Variants in TENM3 observed in about 807,000 individuals in gnomAD.
TENM3 encodes the protein teneurin-3.
TENM3 carries 63 observed loss-of-function variants against 255.1 expected under a neutral mutation model. The observed-to-expected ratio is 0.25, with a 90% confidence interval of 0.20 to 0.30. The LOEUF is 0.30. TENM3 is among the 10% of genes least tolerant of loss of function. TENM3 has a pLI of 1.00. For synonymous variants in TENM3, 1,306 were observed against 1,322.3 expected (o/e 0.99, Z 0.27); for missense variants, 2,929 against 3,461.1 (o/e 0.85, Z 3.86).
chr4:182,644,612 G>GA lies in TENM3; in HGVS notation c.989-9151dup, dbSNP rs980294344. On this transcript the variant is annotated intron_variant, in intron 5 of 27. Coordinates refer to ENST00000511685, the MANE Select transcript of TENM3 (RefSeq NM_001080477.4). Reference sequence around the variant, plus strand: ...TCTCACTTTAATGGTCTTTGTGTGTGAAAAAAAATTCCTTCATAAAATTTT... The same window carrying GA: ...TCTCACTTTAATGGTCTTTGTGTGTGAAAAAAAAATTCCTTCATAAAATTTT... Among the ~76,000 whole-genome samples, 83 of 151,712 alleles carry GA rather than the reference G, an allele frequency of 5.5e-4. 1 individual carries two copies. Among genetic ancestry groups the GA allele is most frequent in the Non-Finnish European group, 6.6e-4 (45 of 67,912 alleles).
the TENM3 span, among the ~76,000 whole-genome samples, chr4:181,692,185 G>A: frequency 1.3e-5 from 2 of 152,188 alleles, no homozygotes; most frequent in Non-Finnish European, 2.9e-5. Flanking sequence ...AATGTATTAA[G>A]AGGTAAGATA....
At chr4:181,569,194 G>A in the TENM3 span, among the ~76,000 whole-genome samples, 2 of 152,052 alleles carry the variant, frequency 1.3e-5, no homozygotes, top group African/African-American at 2.4e-5. Flanking sequence ...AACAACAAAT[G>A]TGAGGTCTCC....
chr4:182,730,389 T>C (rs1760597209), intron 15 of TENM3, 70 bp downstream of exon 15: 1 of 1,562,676 alleles, frequency 6.4e-7, no homozygotes, highest in South Asian at 1.2e-5. Flanking sequence ...TGTACCACTG[T>C]CATGTTTGAC....
chr4:181,736,738 C>G, the TENM3 span, among the ~76,000 whole-genome samples: 2 of 152,032 alleles, frequency 1.3e-5, no homozygotes, highest in Non-Finnish European at 2.9e-5. Context: ...GCCGACTGAG[C>G]CTCCCTGATT....
At chr4:182,389,741 A>T (rs1022141218) in intron 3 of TENM3, among the ~76,000 whole-genome samples, 3 of 131,578 alleles carry the variant, frequency 2.3e-5, no homozygotes, top group African/African-American at 5.6e-5. Context: ...GCTGGAGTGC[A>T]GTGGCGCGAT....
the TENM3 span, among the ~76,000 whole-genome samples, chr4:182,024,932 T>G: frequency 6.6e-6 from 1 of 152,102 alleles, no homozygotes; most frequent in Non-Finnish European, 1.5e-5. Flanking sequence ...AGTGAGAACA[T>G]GCACTGCTTG....
At chr4:181,696,279 G>C in the TENM3 span, among the ~76,000 whole-genome samples, 1 of 152,102 alleles carries the variant, frequency 6.6e-6, no homozygotes, top group Non-Finnish European at 1.5e-5. Flanking sequence ...ACACAGCAGA[G>C]AGAAGGCAAC....
At chr4:181,742,739 A>G in the TENM3 span, among the ~76,000 whole-genome samples, 1 of 151,946 alleles carries the variant, frequency 6.6e-6, no homozygotes. Context: ...GGTTAGCTAC[A>G]TACGTATACA....
intron 3 of TENM3, among the ~76,000 whole-genome samples, chr4:182,534,938 A>ATG (rs2151856963): frequency 6.6e-6 from 1 of 152,318 alleles, no homozygotes; most frequent in Admixed American, 6.5e-5. Flanking sequence ...CTCTTATACT[A>ATG]TGTAGCACCT....
chr4:182,713,694 C>T (rs756642512), intron 12 of TENM3, among the ~76,000 whole-genome samples: 2 of 152,078 alleles, frequency 1.3e-5, no homozygotes, highest in Non-Finnish European at 2.9e-5. Context: ...TGATAAATGA[C>T]CAGTAATGTT....
chr4:182,492,005 A>G (rs1342555182), intron 3 of TENM3, among the ~76,000 whole-genome samples: 2 of 152,190 alleles, frequency 1.3e-5, no homozygotes, highest in East Asian at 1.9e-4. Context: ...ATGGCAGTGG[A>G]CTGCATCTAC....
intron 3 of TENM3, among the ~76,000 whole-genome samples, chr4:182,536,822 C>T (rs1052896118): frequency 5.3e-5 from 8 of 152,196 alleles, no homozygotes; most frequent in Admixed American, 1.3e-4. Flanking sequence ...CTCCTGGTGT[C>T]AGAAAGCTGA....
the TENM3 span, among the ~76,000 whole-genome samples, chr4:181,834,575 C>T: frequency 6.6e-6 from 1 of 152,194 alleles, no homozygotes; most frequent in Non-Finnish European, 1.5e-5. Context: ...CCAGGACAAA[C>T]TCAAGTTCCT....
the TENM3 span, among the ~76,000 whole-genome samples, chr4:182,023,623 G>A: frequency 6.6e-6 from 1 of 152,186 alleles, no homozygotes; most frequent in Admixed American, 6.5e-5. Flanking sequence ...CCTGTGCATG[G>A]AAAATTGTAT....
At chr4:181,691,103 G>A in the TENM3 span, among the ~76,000 whole-genome samples, 173 of 152,214 alleles carry the variant, frequency 1.1e-3, 5 homozygotes, top group East Asian at 0.024. Flanking sequence ...GTCATGCATT[G>A]TTATTAGCAG....
At chr4:181,470,552 T>C in the TENM3 span, among the ~76,000 whole-genome samples, 390 of 152,282 alleles carry the variant, frequency 2.6e-3, 3 homozygotes, top group South Asian at 0.034. Context: ...AGCACAACCT[T>C]ATATGAGCCC....
the TENM3 span, among the ~76,000 whole-genome samples, chr4:182,061,013 G>A: frequency 6.6e-6 from 1 of 152,130 alleles, no homozygotes; most frequent in East Asian, 1.9e-4. Context: ...TGGTTCAGAT[G>A]GTGTCTGTCA....
the TENM3 span, among the ~76,000 whole-genome samples, chr4:181,910,418 G>A: frequency 6.6e-6 from 1 of 151,522 alleles, no homozygotes; most frequent in Admixed American, 6.6e-5. Context: ...TACACCTGTA[G>A]TCCCAGCTAC....
the TENM3 span, among the ~76,000 whole-genome samples, chr4:182,001,416 C>T: frequency 6.6e-6 from 1 of 152,028 alleles, no homozygotes; most frequent in Non-Finnish European, 1.5e-5. Flanking sequence ...CTCTGGGCTT[C>T]AGTTTTTCTG....
Sources: allele counts gnomAD v4.1 joint callset (sites outside exome capture counted in the v4.1 genomes callset), GRCh38; gene constraint gnomAD v4.1.1; transcripts MANE v1.5; gene names NCBI Gene and HGNC (gene_info 2026-07-23, HGNC 2026-07-21).